Variants in KLHDC1 observed in about 807,000 individuals in gnomAD.
KLHDC1 encodes kelch domain-containing protein 1.
KLHDC1 carries 53 observed loss-of-function variants against 68.3 expected under a neutral mutation model. The observed-to-expected ratio is 0.78, with a 90% CI of 0.62 to 0.98. KLHDC1 has a LOEUF of 0.98. Among genes scored for constraint, KLHDC1 ranks in the 50% least tolerant of loss-of-function variants. KLHDC1 has a pLI of 0.00. For missense variants in KLHDC1, 470 were observed against 492.3 expected, an observed-to-expected ratio of 0.95 and a Z score of 0.43; for synonymous variants, 148 against 159.0, an observed-to-expected ratio of 0.93 and a Z score of 0.52.
At chr14:49,719,599 A>ATTTTTAT (rs935739232) in intron 4 of KLHDC1, among the ~76,000 whole-genome samples, 2 of 150,506 alleles carry the variant, frequency 1.3e-5, no homozygotes, top group African/African-American at 2.4e-5. Flanking sequence ...CGGCTAATTT[A>ATTTTTAT]TTTTTATTTT....
At chr14:49,722,714 T>C (rs1888559986) in intron 4 of KLHDC1, among the ~76,000 whole-genome samples, 1 of 151,990 alleles carries the variant, frequency 6.6e-6, no homozygotes, top group African/African-American at 2.4e-5. Context: ...GCCTCACAAT[T>C]ATGGCAGAAA....
intron 12 of KLHDC1, among the ~76,000 whole-genome samples, chr14:49,750,073 T>C (rs1386064720): frequency 2.0e-5 from 3 of 152,010 alleles, no homozygotes; most frequent in African/African-American, 7.2e-5. Flanking sequence ...AAAAAAAAAT[T>C]AGTCATGAAA....
At chr14:49,731,359 A>G (rs1888804335) in intron 8 of KLHDC1, among the ~76,000 whole-genome samples, 1 of 152,232 alleles carries the variant, frequency 6.6e-6, no homozygotes, top group East Asian at 1.9e-4. Flanking sequence ...TGTATCTTCC[A>G]AAAATGTCCT....
At position 49,715,765 on chromosome 14, in the gene KLHDC1, A is replaced by AATATATATAT. The variant is rs1555339251; in HGVS notation, c.404+5392_404+5401dup. Among the ~76,000 whole-genome samples the AATATATATAT allele has an allele frequency of 3.8e-3, 196 of 51,376 alleles. 2 individuals carry two copies. Among genetic ancestry groups the AATATATATAT allele is most frequent in the African/African-American group, 0.012 (126 of 10,884 alleles). 33.7% of individuals were successfully genotyped at this position (51,376 alleles called of 152,430 possible). On this transcript the variant is annotated intron_variant, in intron 4 of 12. Transcript: ENST00000359332. ...AAAAAAAAAAAAAAAAAAAAAAAAA[A>AATATATATAT]ATATATATATATATATAATAAAAGA...
chr14:49,736,648 A>G (rs1431550654), intron 10 of KLHDC1, among the ~76,000 whole-genome samples: 1 of 152,200 alleles, frequency 6.6e-6, no homozygotes, highest in African/African-American at 2.4e-5. Context: ...TAAGCTGCCC[A>G]ATTCTCCTCT....
chr14:49,721,450 T>G (rs566232461), intron 4 of KLHDC1, among the ~76,000 whole-genome samples: 2 of 152,300 alleles, frequency 1.3e-5, no homozygotes, highest in African/African-American at 4.8e-5. Flanking sequence ...CCCTGTAGTT[T>G]TTAAATTATA....
At chr14:49,713,821 TATATATATATATATA>T (rs1566602789) in intron 4 of KLHDC1, among the ~76,000 whole-genome samples, 33 of 3,164 alleles carry the variant, frequency 0.01, 2 homozygotes, top group Non-Finnish European at 0.038. Context: ...TATATATATA[TATATATATATATATA>T]TATATATATA....
chr14:49,723,044 G>A (rs904270181), intron 4 of KLHDC1, among the ~76,000 whole-genome samples: 7 of 123,512 alleles, frequency 5.7e-5, no homozygotes, highest in Admixed American at 2.1e-4. Flanking sequence ...CAGAGATCAC[G>A]CCACTGCACT....
Position 49,752,814 on chromosome 14 carries a change from C to G in KLHDC1, c.*1042C>G, listed in dbSNP as rs999282406. The stretch of plus-strand genomic sequence containing the variant: ...TTCATATTATCACAATCATGCCCTT[C>G]CATTGAATTATTAATTACAATTAAT... On this transcript the variant is annotated 3_prime_UTR_variant, in exon 13 of 13. Transcript: ENST00000359332. 2.6e-5 allele frequency: 4 copies of G among 151,966 alleles called. No individual in the cohort carries two copies. The highest frequency in any genetic ancestry group is 9.7e-5 in the African/African-American group (4 of 41,388). The allele number at this position is 151,966 out of a possible 1,614,324, so 9.4% of individuals were successfully genotyped here. A position where few individuals can be genotyped will look rare whatever the true frequency, so the allele number is the denominator to read the frequency against.
rs542123058 is a variant in KLHDC1 at position 49,700,066 on chromosome 14, G to C, written c.96+6776G>C. 465 of 314,396 alleles carry C rather than the reference G, an allele frequency of 1.5e-3. 3 individuals are homozygous for C. Among genetic ancestry groups the C allele is most frequent in the African/African-American group, 0.011 (439 of 40,290 alleles). The allele number at this position is 314,396 out of a possible 1,614,324, so 19.5% of individuals were successfully genotyped here. A position where few individuals can be genotyped will look rare whatever the true frequency, so the allele number is the denominator to read the frequency against. ...TTTTTTTAGATGGAGTCTCGCTCTT[G>C]CCCAGGCTGGAGTGCAGTGGCGCGA... On this transcript the variant is annotated intron_variant, in intron 1 of 12. Transcript: ENST00000359332.
In KLHDC1 at chr14:49,734,657, C is replaced by T. The variant is rs781324311; in HGVS notation, c.892C>T (p.Pro298Ser). 6.4e-6 allele frequency: 10 copies of T among 1,554,900 alleles called. No individual in the cohort carries two copies. Among genetic ancestry groups the T allele is most frequent in the Non-Finnish European group, 8.8e-6 (10 of 1,135,992 alleles). The stretch of plus-strand genomic sequence containing the variant: ...ACTTACACATTTACCTAAAACAAGA[C>T]CTAGGTAAGTCAAGAAATTGACAAA... ...KQLTHLPKTR[P>S]RLWHTACLGK... Residue 298 changes from proline (P) to serine (S), a missense_variant, in exon 10 of 13, where the codon CCT (proline) becomes TCT (serine). Pro to Ser is a moderately conservative substitution (Grantham distance 74). Transcript: ENST00000359332.
chr14:49,737,979 C>T (rs1315929733), intron 10 of KLHDC1, among the ~76,000 whole-genome samples: 1 of 151,316 alleles, frequency 6.6e-6, no homozygotes, highest in Non-Finnish European at 1.5e-5. Flanking sequence ...TGAGAGTTCT[C>T]TTACTCTGGA....
At chr14:49,720,373 AC>A (rs1378349169) in intron 4 of KLHDC1, among the ~76,000 whole-genome samples, 1 of 151,958 alleles carries the variant, frequency 6.6e-6, no homozygotes, top group Non-Finnish European at 1.5e-5. Flanking sequence ...TCCTGCCTCA[AC>A]CTACCACATT....
intron 11 of KLHDC1, among the ~76,000 whole-genome samples, chr14:49,743,379 G>A (rs555188583): frequency 1.2e-4 from 17 of 141,368 alleles, no homozygotes; most frequent in South Asian, 6.5e-4. Context: ...CAGTCTGGGC[G>A]ACAGAGCAGG....
At chr14:49,745,401 G>A (rs1324657090) in intron 12 of KLHDC1, among the ~76,000 whole-genome samples, 1 of 152,144 alleles carries the variant, frequency 6.6e-6, no homozygotes, top group Non-Finnish European at 1.5e-5. Flanking sequence ...CATATGCAGG[G>A]ATCAAGAAAC....
At chr14:49,695,830 C>T (rs1168150958) in intron 1 of KLHDC1, among the ~76,000 whole-genome samples, 2 of 152,024 alleles carry the variant, frequency 1.3e-5, no homozygotes, top group Non-Finnish European at 2.9e-5. Flanking sequence ...TTTGGGAGGC[C>T]GAGGCAGGCG....
At chr14:49,727,221 A>G (rs527324063) in intron 6 of KLHDC1, among the ~76,000 whole-genome samples, 1 of 152,168 alleles carries the variant, frequency 6.6e-6, no homozygotes, top group African/African-American at 2.4e-5. Flanking sequence ...GCACCACTCC[A>G]GCCTGGGCAA....
chr14:49,722,246 T>G (rs1368330573), intron 4 of KLHDC1, among the ~76,000 whole-genome samples: 2 of 152,222 alleles, frequency 1.3e-5, no homozygotes, highest in East Asian at 1.9e-4. Context: ...TCATTTACAT[T>G]AGGTATATCT....
chr14:49,714,590 A>G (rs1335109501), intron 4 of KLHDC1, among the ~76,000 whole-genome samples: 1 of 151,986 alleles, frequency 6.6e-6, no homozygotes, highest in East Asian at 1.9e-4. Flanking sequence ...CCTGGGCAAC[A>G]CAGTGAGACC....
Sources: allele counts gnomAD v4.1 joint callset (sites outside exome capture counted in the v4.1 genomes callset), GRCh38; gene constraint gnomAD v4.1.1; transcripts MANE v1.5; gene names NCBI Gene and HGNC (gene_info 2026-07-23, HGNC 2026-07-21).